Variants in HCLS1 observed in about 807,000 individuals in gnomAD.
HCLS1 encodes hematopoietic cell-specific Lyn substrate 1, also known as hematopoietic lineage cell-specific protein.
HCLS1 carries 44 observed loss-of-function variants against 68.6 expected under a neutral mutation model. That is an observed-to-expected ratio of 0.64 (90% CI 0.50 to 0.82). The LOEUF is 0.82. Among genes scored for constraint, HCLS1 ranks in the 40% least tolerant of loss-of-function variants. The pLI is 0.00. For missense variants in HCLS1, 602 were observed against 612.1 expected (o/e 0.98, Z 0.17); for synonymous variants, 217 against 225.8 (o/e 0.96, Z 0.35).
At chr3:121,636,186 C>T (rs555362883) in intron 8 of HCLS1, among the ~76,000 whole-genome samples, 4 of 152,294 alleles carry the variant, frequency 2.6e-5, no homozygotes, top group South Asian at 4.1e-4. Context: ...CAGTCCAATA[C>T]GACCTTTCCC....
At chr3:121,633,504 G>T (rs373440778) in intron 10 of HCLS1, among the ~76,000 whole-genome samples, 95 of 152,164 alleles carry the variant, frequency 6.2e-4, no homozygotes, top group Non-Finnish European at 1.0e-3. Context: ...TTACAGGCAT[G>T]AGCCACCACG....
chr3:121,658,151 G>C, intron 2 of HCLS1, 113 bp downstream of exon 2: 2 of 781,330 alleles, frequency 2.6e-6, no homozygotes, highest in Non-Finnish European at 4.5e-6. Context: ...TATGAGGGCT[G>C]TCTCAGTCCT....
At chr3:121,638,484 A>G (rs1297982108) in intron 6 of HCLS1, among the ~76,000 whole-genome samples, 1 of 152,204 alleles carries the variant, frequency 6.6e-6, no homozygotes, top group African/African-American at 2.4e-5. Flanking sequence ...CACTCCTATA[A>G]GAGAGTGCTA....
chr3:121,657,179 A>AC, intron 3 of HCLS1, 100 bp downstream of exon 3: 1 of 913,976 alleles, frequency 1.1e-6, no homozygotes, highest in Admixed American at 2.0e-5. Flanking sequence ...GACATGAACT[A>AC]CCCTATCCTT....
At chr3:121,646,392 C>T (rs1191481545) in intron 4 of HCLS1, among the ~76,000 whole-genome samples, 1 of 49,410 alleles carries the variant, frequency 2.0e-5, no homozygotes, top group African/African-American at 6.9e-5. Context: ...TAATATATTA[C>T]TATGTAATAT....
chr3:121,632,386 C>G lies in HCLS1; in HGVS notation c.1186G>C (p.Asp396His). Residue 396 changes from aspartate to histidine, a missense_variant, in exon 12 of 14, where the codon GAC becomes CAC. Transcript: ENST00000314583. ...TCAGGCTCGAGCACCTCCTCATAGT[C>G]CCCCTCTGGTTCATCCTCCTGCTCA... ...RHEQEDEPEG[D>H]YEEVLEPEDS... The G allele has an allele frequency of 1.2e-6, 2 of 1,614,106 alleles. No homozygotes were observed. The highest frequency in any genetic ancestry group is 1.7e-6 in the Non-Finnish European group (2 of 1,180,018).
intron 7 of HCLS1, among the ~76,000 whole-genome samples, chr3:121,636,692 G>A (rs2049154197): frequency 6.6e-6 from 1 of 152,180 alleles, no homozygotes; most frequent in South Asian, 2.1e-4. Context: ...GACAAAGATG[G>A]AAGTAGGGAA....
chr3:121,641,462 T>C (rs1249326113), intron 6 of HCLS1, among the ~76,000 whole-genome samples: 4 of 152,186 alleles, frequency 2.6e-5, no homozygotes, highest in Admixed American at 2.0e-4. Flanking sequence ...ATAAGCAATG[T>C]TGAGCTAGGA....
At position 121,646,543 on chromosome 3, in the gene HCLS1, A is replaced by G. The variant is rs1360795890; in HGVS notation, c.288+776T>C. Among the ~76,000 whole-genome samples the G allele has an allele frequency of 3.7e-5, 4 of 109,168 alleles. No homozygotes were observed. In the East Asian group the frequency reaches 1.0e-3, roughly 28 times the overall value. The allele number at this position is 109,168 out of a possible 152,430, so 71.6% of individuals were successfully genotyped here. ...CTGTTATATATAAGTATATAAGTATATATTATATATATTAATATATATTTA... is the reference window on the plus strand; with the variant it reads ...CTGTTATATATAAGTATATAAGTATGTATTATATATATTAATATATATTTA... On this transcript the variant is annotated intron_variant, in intron 4 of 13. Transcript: ENST00000314583.
At chr3:121,646,370 ATTATTACTAT>A (rs1560141691) in intron 4 of HCLS1, among the ~76,000 whole-genome samples, 2 of 64,852 alleles carry the variant, frequency 3.1e-5, no homozygotes, top group African/African-American at 1.1e-4. Flanking sequence ...TATATTACAT[ATTATTACTAT>A]GTAATATATT....
rs757912463 is a variant in HCLS1, at chr3:121,632,352, G to C, written c.1220C>G (p.Ser407Cys). 5 of 1,614,016 alleles carry C rather than the reference G, an allele frequency of 3.1e-6. No homozygotes were observed. The African/African-American group carries it at 6.7e-5, about 22-fold the overall frequency. ...YEEVLEPEDS[S>C]FSSALAGSSG... ...CTCACCAGCCAGAGCAGAAGAAAAAGAAGAATCTTCAGGCTCGAGCACCTC... is the reference window on the plus strand; with the variant it reads ...CTCACCAGCCAGAGCAGAAGAAAAACAAGAATCTTCAGGCTCGAGCACCTC... The change falls in exon 12 of 14, where the codon TCT becomes TGT. Residue 407 changes from serine to cysteine, a missense_variant. Physicochemically the swap from Ser to Cys is moderately radical, Grantham distance 112. Coordinates refer to ENST00000314583, the MANE Select transcript of HCLS1 (RefSeq NM_005335.6).
intron 4 of HCLS1, among the ~76,000 whole-genome samples, chr3:121,646,462 GATATATA>G (rs1937607514): frequency 1.0e-5 from 1 of 95,754 alleles, no homozygotes; most frequent in African/African-American, 4.3e-5. Flanking sequence ...TATTATATAT[GATATATA>G]ATATATAATA....
chr3:121,634,225 G>A lies in HCLS1; in HGVS notation c.885C>T (p.Pro295=). ...MEEPAVPAPL[P]KKISSEAWPP... Reference sequence around the variant, plus strand: ...CGCTCACCTCTGAGGAGATTTTCTTGGGCAGTGGGGCCGGTACTGCTGGCT... The same window carrying A: ...CGCTCACCTCTGAGGAGATTTTCTTAGGCAGTGGGGCCGGTACTGCTGGCT... The change falls in exon 10 of 14, where the codon CCC becomes CCT. Residue 295 remains proline, a synonymous_variant. Transcript: ENST00000314583. 1.9e-6 allele frequency: 3 copies of A among 1,614,152 alleles called. No homozygotes were observed. Among genetic ancestry groups the A allele is most frequent in the Non-Finnish European group, 2.5e-6 (3 of 1,180,026 alleles).
intron 7 of HCLS1, among the ~76,000 whole-genome samples, 167 bp from the exon 8 acceptor site, chr3:121,636,656 G>GA (rs1011236857): frequency 6.6e-6 from 1 of 152,160 alleles, no homozygotes; most frequent in South Asian, 2.1e-4. Flanking sequence ...AACAGATGGG[G>GA]AAAAAATCTG....
At chr3:121,636,356 C>A (rs2049151236) in intron 8 of HCLS1, 78 bp downstream of exon 8, 2 of 1,230,428 alleles carry the variant, frequency 1.6e-6, no homozygotes, top group Non-Finnish European at 2.4e-6. Flanking sequence ...CCTCTCCCAG[C>A]CTTCTTCACG....
Position 121,632,180 on chromosome 3 carries a change from T to C in HCLS1, c.1245A>G (p.Ser415=). 6.2e-7 allele frequency: 1 copy of C among 1,614,078 alleles called. No individual in the cohort carries two copies. Among genetic ancestry groups the C allele is most frequent in the Non-Finnish European group, 8.5e-7 (1 of 1,179,990 alleles). The change falls in exon 13 of 14, where the codon TCA becomes TCG. Residue 415 remains serine (S), a synonymous_variant. Transcript: ENST00000314583. ...DSSFSSALAG[S]SGCPAGAGAG... ...CCCCAGCCCCAGCCGGGCAGCCTGA[T>C]GATCCTGCATAATGAGAAACACAAA...
intron 5 of HCLS1, 117 bp from the exon 6 acceptor site, chr3:121,643,098 T>C (rs754209481): frequency 7.9e-6 from 6 of 761,710 alleles, no homozygotes; most frequent in Non-Finnish European, 1.2e-5. Context: ...TCAGGCTGAG[T>C]ATAGGTGTTT....
intron 6 of HCLS1, among the ~76,000 whole-genome samples, chr3:121,638,543 C>A (rs1350173216): frequency 1.3e-5 from 2 of 152,092 alleles, no homozygotes; most frequent in Non-Finnish European, 2.9e-5. Flanking sequence ...GGGCTTGTAA[C>A]CTGTTCAATA....
chr3:121,647,608 C>T, intron 3 of HCLS1, 160 bp from the exon 4 acceptor site: 1 of 629,114 alleles, frequency 1.6e-6, no homozygotes, highest in Admixed American at 2.9e-5. Flanking sequence ...AAAGATCAGT[C>T]TGGCCTGCAT....
Sources: gnomAD v4.1 joint callset for allele counts (sites outside exome capture counted in the v4.1 genomes callset) on GRCh38, gnomAD v4.1.1 for gene constraint, MANE v1.5 for transcripts, NCBI Gene and HGNC (gene_info 2026-07-23, HGNC 2026-07-21) for gene names.